The following ADAMTS20 variants were observed in gnomAD, a reference collection of about 807,000 sequenced individuals.
ADAMTS20 encodes ADAM metallopeptidase with thrombospondin type 1 motif 20, also known as A disintegrin and metalloproteinase with thrombospondin motifs 20.
ADAMTS20 carries 225 observed loss-of-function variants against 260.1 expected under a neutral mutation model. That is an observed-to-expected ratio of 0.87 (90% CI 0.78 to 0.97). The LOEUF (loss-of-function observed/expected upper bound fraction) is 0.97. Among genes scored for constraint, ADAMTS20 ranks in the 50% least tolerant of loss-of-function variants. ADAMTS20 has a pLI of 0.00. For synonymous variants in ADAMTS20, 802 were observed against 769.5 expected (o/e 1.04, Z -0.70); for missense variants, 2,400 against 2,337.7 (o/e 1.03, Z -0.55).
At chr12:43,431,274 C>T (rs1941436965) in intron 22 of ADAMTS20, 58 bp downstream of exon 22, 8 of 1,544,386 alleles carry the variant, frequency 5.2e-6, no homozygotes, top group Non-Finnish European at 6.1e-6. Flanking sequence ...TATAACACAA[C>T]TTTTGTGCTA....
intron 9 of ADAMTS20, among the ~76,000 whole-genome samples, chr12:43,465,164 A>G (rs967994181): frequency 3.3e-5 from 5 of 152,114 alleles, no homozygotes; most frequent in African/African-American, 1.2e-4. Flanking sequence ...TTCTAGTCCT[A>G]AACAACAACA....
At chr12:43,472,583 A>G (rs1319589203) in intron 7 of ADAMTS20, among the ~76,000 whole-genome samples, 1 of 132,220 alleles carries the variant, frequency 7.6e-6, no homozygotes. Context: ...GGGCAGCCAG[A>G]GAGAAAAGTC....
intron 7 of ADAMTS20, among the ~76,000 whole-genome samples, chr12:43,475,650 A>C (rs1005422094): frequency 1.3e-5 from 2 of 151,630 alleles, no homozygotes; most frequent in Admixed American, 1.3e-4. Context: ...ACAGAGATAT[A>C]GATCAATGGA....
chr12:43,452,362 T>C lies in ADAMTS20; in HGVS notation c.1991A>G (p.Asn664Ser), dbSNP rs772410230. 1.4e-5 allele frequency: 22 copies of C among 1,613,414 alleles called. No homozygotes were observed. The highest frequency in any genetic ancestry group is 1.9e-5 in the Non-Finnish European group (22 of 1,179,598). The change falls in exon 14 of 39, where the codon AAT (asparagine) becomes AGT (serine). Residue 664 changes from asparagine (N) to serine (S), a missense_variant. By Grantham distance (46) the Asn-to-Ser change is conservative. Transcript: ENST00000389420. ...CKLYCQVAGT[N>S]YFYLLKDMVE... ...CATATCCTTCAATAGGTAGAAATAA[T>C]TGGTTCCAGCAACCTGACAATAGAG...
At chr12:43,419,815 G>T (rs1941195738) in intron 28 of ADAMTS20, among the ~76,000 whole-genome samples, 1 of 151,884 alleles carries the variant, frequency 6.6e-6, no homozygotes, top group South Asian at 2.1e-4. Context: ...TTTTTCCCAG[G>T]TCATACATTT....
At position 43,532,022 on chromosome 12, in the gene ADAMTS20, A is replaced by T. The variant is rs777903335; in HGVS notation, c.613+14T>A. 1 of 1,484,224 alleles carries T rather than the reference A, an allele frequency of 6.7e-7. No individual in the cohort carries two copies. The highest frequency in any genetic ancestry group is 9.0e-7 in the Non-Finnish European group (1 of 1,111,584). 91.9% of individuals were successfully genotyped at this position (1,484,224 alleles called of 1,614,324 possible). On this transcript the variant is annotated intron_variant, in intron 3 of 38. Coordinates refer to ENST00000389420, the MANE Select transcript of ADAMTS20 (RefSeq NM_025003.5). ...TCACTATTTAGCTGAAAAGAGTTCTATTTCACAGTTTACCTGACACACTGC... is the reference window on the plus strand; with the variant it reads ...TCACTATTTAGCTGAAAAGAGTTCTTTTTCACAGTTTACCTGACACACTGC...
Position 43,528,347 on chromosome 12 carries a change from G to GAAAAAAAAAAAAAAAAAA in ADAMTS20, c.613+3688_613+3689insTTTTTTTTTTTTTTTTTT, listed in dbSNP as rs1565583137. Among the ~76,000 whole-genome samples, 14 of 2,308 alleles carry GAAAAAAAAAAAAAAAAAA rather than the reference G, an allele frequency of 6.1e-3. 2 individuals are homozygous for GAAAAAAAAAAAAAAAAAA. Among genetic ancestry groups the GAAAAAAAAAAAAAAAAAA allele is most frequent in the African/African-American group, 0.011 (14 of 1,324 alleles). 1.5% of individuals were successfully genotyped at this position (2,308 alleles called of 152,430 possible). ...AGACCAACAGCCAAGGCAATCCTAA[G>GAAAAAAAAAAAAAAAAAA]CAAAAAAAAAAAAAAAAAAAAAAAA... On this transcript the variant is annotated intron_variant, in intron 3 of 38. Coordinates refer to ENST00000389420, the MANE Select transcript of ADAMTS20 (RefSeq NM_025003.5).
intron 11 of ADAMTS20, among the ~76,000 whole-genome samples, chr12:43,454,615 T>C (rs1941931543): frequency 6.6e-6 from 1 of 152,134 alleles, no homozygotes. Context: ...AAATTCACTA[T>C]CCCAGACAAA....
At chr12:43,409,623 A>C (rs1198569036) in intron 28 of ADAMTS20, among the ~76,000 whole-genome samples, 2 of 139,096 alleles carry the variant, frequency 1.4e-5, no homozygotes, top group East Asian at 4.3e-4. Flanking sequence ...AAAAAAAAAA[A>C]AAAAAAACAA....
At chr12:43,400,894 G>A (rs1940797214) in intron 28 of ADAMTS20, among the ~76,000 whole-genome samples, 1 of 151,872 alleles carries the variant, frequency 6.6e-6, no homozygotes, top group African/African-American at 2.4e-5. Context: ...TTATTAAAAG[G>A]TAATAATTAC....
In ADAMTS20 at chr12:43,551,129, G is replaced by A; in HGVS notation, c.233C>T (p.Thr78Ile). The A allele has an allele frequency of 6.2e-7, 1 of 1,613,968 alleles. No individual in the cohort carries two copies. The highest frequency in any genetic ancestry group is 1.7e-5 in the Admixed American group (1 of 60,030). Residue 78 changes from threonine (T) to isoleucine (I), a missense_variant, in exon 2 of 39, where the codon ACC becomes ATC. Physicochemically the swap from Thr to Ile is moderately conservative, Grantham distance 89 (BLOSUM62 -1). Transcript: ENST00000389420. The surrounding 1 kb of genome is among the most constrained non-coding windows in gnomAD (Gnocchi z 4.6). ...CCCGTAGGCAGTGAAGCGATAGTGG[G>A]TTCGGAACGGCATGGGTTCCAGCGC... ...SEALEPMPFR[T>I]HYRFTAYGQL...
intron 7 of ADAMTS20, among the ~76,000 whole-genome samples, chr12:43,488,234 CAG>C (rs952360464): frequency 6.6e-6 from 1 of 151,902 alleles, no homozygotes; most frequent in Non-Finnish European, 1.5e-5. Context: ...TCAGGTTTAA[CAG>C]GGAAAATTTT....
At chr12:43,430,519 A>T (rs1180306000) in intron 22 of ADAMTS20, 48 bp from the exon 23 acceptor site, 1 of 1,544,930 alleles carries the variant, frequency 6.5e-7, no homozygotes, top group Non-Finnish European at 8.8e-7. Context: ...CCCAAAAGTT[A>T]CACAAACTTC....
chr12:43,472,716 A>T (rs1255717309), intron 7 of ADAMTS20, among the ~76,000 whole-genome samples: 1 of 149,612 alleles, frequency 6.7e-6, no homozygotes, highest in African/African-American at 2.5e-5. Context: ...TCAAGCCAGA[A>T]TTTCATATCC....
chr12:43,383,054 C>G lies in ADAMTS20; in HGVS notation c.4797+504G>C, dbSNP rs143741454. Among the ~76,000 whole-genome samples, 6 of 151,916 alleles carry G rather than the reference C, an allele frequency of 3.9e-5. No individual in the cohort carries two copies. The East Asian group carries it at 1.2e-3, about 29-fold the overall frequency. The stretch of plus-strand genomic sequence containing the variant: ...AATGCAAACAAGTATAGTGATAGAT[C>G]ACTAATATAGAAAACAGGTAAGGTC... On this transcript the variant is annotated intron_variant, in intron 31 of 38. Transcript: ENST00000389420.
chr12:43,395,321 C>T (rs1233989771), intron 29 of ADAMTS20, among the ~76,000 whole-genome samples: 1 of 151,996 alleles, frequency 6.6e-6, no homozygotes, highest in Non-Finnish European at 1.5e-5. Flanking sequence ...TTAACATTTA[C>T]TATTTTTCAA....
At chr12:43,425,252 T>C (rs1263110641) in intron 28 of ADAMTS20, among the ~76,000 whole-genome samples, 4 of 151,798 alleles carry the variant, frequency 2.6e-5, no homozygotes, top group African/African-American at 2.4e-5. Context: ...CTGGGGCCTG[T>C]TGGGGGAGGA....
chr12:43,393,145 A>G (rs1940629827), intron 29 of ADAMTS20, among the ~76,000 whole-genome samples: 1 of 152,108 alleles, frequency 6.6e-6, no homozygotes, highest in Non-Finnish European at 1.5e-5. Context: ...ATACAGGGAA[A>G]ACACTATCAT....
At chr12:43,463,041 C>T (rs1285449099) in intron 10 of ADAMTS20, 42 bp from the exon 11 acceptor site, 2 of 1,325,354 alleles carry the variant, frequency 1.5e-6, no homozygotes, top group South Asian at 1.3e-5. Context: ...GTAAAGATAA[C>T]ACCACAACAC....
Sources: gnomAD v4.1 joint callset for allele counts (sites outside exome capture counted in the v4.1 genomes callset) on GRCh38, gnomAD v4.1.1 for gene constraint, Gnocchi (gnomAD v3.1) non-coding constraint, MANE v1.5 for transcripts, NCBI Gene and HGNC (gene_info 2026-07-23, HGNC 2026-07-21) for gene names.